The following PTPRD variants were observed in gnomAD, a reference collection of about 807,000 sequenced individuals.
The protein encoded by PTPRD is receptor-type tyrosine-protein phosphatase delta.
In PTPRD, 34 loss-of-function variants were observed where a neutral mutation model predicts 214.5. The ratio of observed to expected loss-of-function variants is 0.16; its 90% confidence interval spans 0.12 to 0.21. PTPRD has a LOEUF of 0.21. Among genes scored for constraint, PTPRD ranks in the 10% least tolerant of loss-of-function variants. The pLI is 1.00. For synonymous variants in PTPRD, 1,128 were observed against 845.7 expected (o/e 1.33, Z -5.79); for missense variants, 2,545 against 2,398.7 (o/e 1.06, Z -1.27).
chr9:10,416,754 A>T (rs2098493868), intron 2 of PTPRD, among the ~76,000 whole-genome samples: 1 of 151,798 alleles, frequency 6.6e-6, no homozygotes, highest in Non-Finnish European at 1.5e-5. Flanking sequence ...CAATGTCAAG[A>T]TATTTATAAG....
At chr9:9,467,091 T>TC (rs1271134548) in intron 8 of PTPRD, among the ~76,000 whole-genome samples, 8 of 152,062 alleles carry the variant, frequency 5.3e-5, no homozygotes, top group Non-Finnish European at 1.2e-4. Flanking sequence ...ACCTATTTTT[T>TC]CATTACATTT....
chr9:8,839,300 T>TTTTATTCATTTG (rs2097507996), intron 11 of PTPRD, among the ~76,000 whole-genome samples: 1 of 150,326 alleles, frequency 6.7e-6, no homozygotes, highest in African/African-American at 2.4e-5. Flanking sequence ...ACCAAGGGGA[T>TTTTATTCATTTG]TTTATTTATT....
At chr9:9,415,324 AT>A (rs949553402) in intron 8 of PTPRD, among the ~76,000 whole-genome samples, 3 of 152,012 alleles carry the variant, frequency 2.0e-5, no homozygotes, top group Non-Finnish European at 2.9e-5. Flanking sequence ...AAATACAAAA[AT>A]TAGCCAGGTG....
At chr9:10,144,843 T>C (rs1170250116) in intron 3 of PTPRD, among the ~76,000 whole-genome samples, 1 of 152,124 alleles carries the variant, frequency 6.6e-6, no homozygotes, top group Non-Finnish European at 1.5e-5. Context: ...GCATGTGGTT[T>C]ATACATTTCT....
intron 35 of PTPRD, among the ~76,000 whole-genome samples, chr9:8,414,930 G>GAGAGAGAGAGA (rs2093802531): frequency 6.3e-4 from 31 of 49,264 alleles, no homozygotes; most frequent in African/African-American, 1.9e-3. Flanking sequence ...AGAGGGAGGG[G>GAGAGAGAGAGA]GAGAGAGAGA....
chr9:9,743,037 T>C (rs1478041429), intron 6 of PTPRD, among the ~76,000 whole-genome samples: 1 of 152,194 alleles, frequency 6.6e-6, no homozygotes. Flanking sequence ...TACATTCTTA[T>C]TTATATAATT....
chr9:9,113,235 G>A (rs1364953028), intron 10 of PTPRD, among the ~76,000 whole-genome samples: 6 of 151,768 alleles, frequency 4.0e-5, no homozygotes, highest in Non-Finnish European at 4.4e-5. Context: ...TCAGCCCCCC[G>A]AGGTGCTACA....
chr9:10,271,082 C>T (rs1356054377), intron 3 of PTPRD, among the ~76,000 whole-genome samples: 3 of 151,984 alleles, frequency 2.0e-5, no homozygotes, highest in African/African-American at 7.3e-5. Flanking sequence ...TTTCGGCCTC[C>T]CAAAGTACTG....
chr9:9,679,275 C>T (rs1038109756), intron 7 of PTPRD, among the ~76,000 whole-genome samples: 4 of 151,652 alleles, frequency 2.6e-5, no homozygotes, highest in African/African-American at 9.7e-5. Context: ...CACACAAGCG[C>T]TTTGCTACAC....
At chr9:8,535,002 T>A (rs1337086274) in intron 14 of PTPRD, among the ~76,000 whole-genome samples, 1 of 151,910 alleles carries the variant, frequency 6.6e-6, no homozygotes, top group African/African-American at 2.4e-5. Flanking sequence ...AGGCACTGGG[T>A]ATGAAGTAAT....
Position 9,772,563 on chromosome 9 carries a change from C to T in PTPRD, c.-367-5712G>A, listed in dbSNP as rs535041365. Among the ~76,000 whole-genome samples the T allele has an allele frequency of 7.5e-4, 110 of 147,538 alleles. 1 individual carries two copies. The highest frequency in any genetic ancestry group is 2.5e-3 in the African/African-American group (101 of 40,450). ...TGTCCATCAGTGGACACAAGCTTCT[C>T]TTTCCTGCTCTGCAAATGCCTTCTA... On this transcript the variant is annotated intron_variant, in intron 5 of 45. Coordinates refer to ENST00000381196, the MANE Select transcript of PTPRD (RefSeq NM_002839.4).
rs1298968392 is a variant in PTPRD at position 8,716,847 on chromosome 9, G to C, written c.64+16933C>G. Among the ~76,000 whole-genome samples the C allele has an allele frequency of 2.6e-5, 4 of 152,256 alleles. No homozygotes were observed. The South Asian group carries it at 6.2e-4, about 24-fold the overall frequency. On this transcript the variant is annotated intron_variant, in intron 12 of 45. Coordinates refer to ENST00000381196, the MANE Select transcript of PTPRD (RefSeq NM_002839.4). Reference sequence around the variant, plus strand: ...TGGAAGGCCCAGTATTGGAATGTAGGGGGTTGGGGGTGAGGCAGAATCTGA... The same window carrying C: ...TGGAAGGCCCAGTATTGGAATGTAGCGGGTTGGGGGTGAGGCAGAATCTGA...
intron 11 of PTPRD, among the ~76,000 whole-genome samples, chr9:8,905,122 G>A (rs2098698630): frequency 6.6e-6 from 1 of 152,156 alleles, no homozygotes. Context: ...AGTCATCTCT[G>A]ATTGGGTGGC....
At chr9:9,344,585 G>C (rs1256367093) in intron 9 of PTPRD, among the ~76,000 whole-genome samples, 1 of 151,980 alleles carries the variant, frequency 6.6e-6, no homozygotes, top group Non-Finnish European at 1.5e-5. Context: ...TGTTCAGCCT[G>C]TATTCATGAC....
At chr9:10,055,120 C>G (rs2097603849) in intron 3 of PTPRD, among the ~76,000 whole-genome samples, 1 of 152,074 alleles carries the variant, frequency 6.6e-6, no homozygotes, top group Non-Finnish European at 1.5e-5. Context: ...TTGAATCTTC[C>G]TAATCTTTGA....
chr9:10,280,784 T>A (rs1424411101), intron 3 of PTPRD, among the ~76,000 whole-genome samples: 2 of 152,012 alleles, frequency 1.3e-5, no homozygotes, highest in African/African-American at 2.4e-5. Context: ...AATTTTTTTT[T>A]TTTTATTTTC....
At chr9:9,817,585 A>T (rs553522172) in intron 5 of PTPRD, among the ~76,000 whole-genome samples, 1 of 152,278 alleles carries the variant, frequency 6.6e-6, no homozygotes, top group East Asian at 1.9e-4. Context: ...GTCCATAAAA[A>T]ACTGAATGTA....
intron 10 of PTPRD, among the ~76,000 whole-genome samples, chr9:9,105,908 T>C (rs1040502977): frequency 6.6e-6 from 1 of 152,204 alleles, no homozygotes; most frequent in Admixed American, 6.5e-5. Flanking sequence ...CCCAGTGCTC[T>C]TTTTGGTACA....
intron 39 of PTPRD, among the ~76,000 whole-genome samples, chr9:8,350,752 A>G (rs2075220703): frequency 6.6e-6 from 1 of 150,906 alleles, no homozygotes; most frequent in Admixed American, 6.6e-5. Context: ...CAAAATATTC[A>G]GCTGTCTAAC....
Sources: gnomAD v4.1 joint callset for allele counts (sites outside exome capture counted in the v4.1 genomes callset) on GRCh38, gnomAD v4.1.1 for gene constraint, MANE v1.5 for transcripts, NCBI Gene and HGNC (gene_info 2026-07-23, HGNC 2026-07-21) for gene names.